The following DCC variants were observed in gnomAD, a reference collection of about 807,000 sequenced individuals.
The protein encoded by DCC is DCC netrin 1 receptor, also known as netrin receptor DCC.
Under a neutral mutation model 172.5 loss-of-function variants are expected in DCC, and 58 were observed. That is an observed-to-expected ratio of 0.34 (90% CI 0.27 to 0.42). The LOEUF (loss-of-function observed/expected upper bound fraction) is 0.42, where lower values mean the gene tolerates loss of function less well. DCC is among the 10% of genes least tolerant of loss of function. The pLI is 1.00. For synonymous variants in DCC, 709 were observed against 644.5 expected, an observed-to-expected ratio of 1.10 and a Z score of -1.52; for missense variants, 1,740 against 1,791.0, an observed-to-expected ratio of 0.97 and a Z score of 0.51.
intron 25 of DCC, among the ~76,000 whole-genome samples, chr18:53,483,649 T>C (rs1448882301): frequency 3.9e-5 from 6 of 151,942 alleles, no homozygotes; most frequent in Non-Finnish European, 8.8e-5. Flanking sequence ...TTTTTGATTA[T>C]ATATCTATCT....
intron 5 of DCC, among the ~76,000 whole-genome samples, chr18:53,057,180 A>G (rs115623401): frequency 0.016 from 2,493 of 151,422 alleles, 71 homozygotes; most frequent in African/African-American, 0.057. Flanking sequence ...CCATAATACT[A>G]TTTAAGCTGT....
At chr18:52,765,702 G>A (rs1313105157) in intron 2 of DCC, among the ~76,000 whole-genome samples, 2 of 152,092 alleles carry the variant, frequency 1.3e-5, no homozygotes, top group Admixed American at 6.5e-5. Context: ...TGTTACATTT[G>A]TCTTAGCTTC....
rs1178289949 is a variant in DCC, at chr18:53,531,896, A to T, written c.*1243A>T. The T allele has an allele frequency of 2.6e-5, 4 of 152,176 alleles. No individual in the cohort carries two copies. Among genetic ancestry groups the T allele is most frequent in the African/African-American group, 9.7e-5 (4 of 41,444 alleles). 9.4% of individuals were successfully genotyped at this position (152,176 alleles called of 1,614,324 possible). On this transcript the variant is annotated 3_prime_UTR_variant, in exon 29 of 29. Transcript: ENST00000442544. The stretch of plus-strand genomic sequence containing the variant: ...CACTTCCGACATGTAAATCCAGCAG[A>T]TACTTTTCAAAGCAGCATCTTAAAC...
chr18:52,537,126 A>G lies in DCC; in HGVS notation c.91+196248A>G, dbSNP rs12326229. 6.2e-4 allele frequency among the ~76,000 whole-genome samples: 94 copies of G among 152,338 alleles called. No individual in the cohort carries two copies. In the Middle Eastern group the frequency reaches 0.014, roughly 22 times the overall value. ...TTTTCTTCATCTGTTTGATGATGAA[A>G]GTTCTCTCTAGGTCCTTATCTTATC... On this transcript the variant is annotated intron_variant, in intron 1 of 28. Transcript: ENST00000442544.
intron 1 of DCC, among the ~76,000 whole-genome samples, chr18:52,673,955 G>C (rs2035602215): frequency 6.6e-6 from 1 of 152,176 alleles, no homozygotes; most frequent in Non-Finnish European, 1.5e-5. Context: ...TAGGCCAGCT[G>C]AGCATATCTC....
chr18:53,091,811 ATATCTATCTATCTATC>A (rs750251115), intron 7 of DCC, among the ~76,000 whole-genome samples: 4 of 141,190 alleles, frequency 2.8e-5, no homozygotes, highest in Non-Finnish European at 6.0e-5. Flanking sequence ...CACTGTACAT[ATATCTATCTATCTATC>A]TATCTATCTA....
intron 9 of DCC, among the ~76,000 whole-genome samples, chr18:53,189,990 G>A (rs917856179): frequency 2.0e-5 from 3 of 152,164 alleles, no homozygotes; most frequent in Non-Finnish European, 2.9e-5. Flanking sequence ...GCAATGGCAC[G>A]ATCCTGGCTT....
intron 7 of DCC, among the ~76,000 whole-genome samples, chr18:53,141,191 A>T (rs1337502636): frequency 1.3e-5 from 2 of 152,178 alleles, no homozygotes; most frequent in African/African-American, 4.8e-5. Flanking sequence ...ACAAATGATG[A>T]TGAAAGTCCC....
chr18:53,359,886 C>T (rs1433051562), intron 15 of DCC, among the ~76,000 whole-genome samples: 3 of 152,038 alleles, frequency 2.0e-5, no homozygotes, highest in Admixed American at 6.6e-5. Context: ...TATCCATCTT[C>T]GAGGCTTGTA....
chr18:53,363,021 C>T (rs1477047482), intron 15 of DCC, among the ~76,000 whole-genome samples: 3 of 152,080 alleles, frequency 2.0e-5, no homozygotes, highest in African/African-American at 7.2e-5. Context: ...TTCTGATTGA[C>T]GCCATCTTAC....
chr18:53,030,563 A>G (rs1280416500), intron 5 of DCC, among the ~76,000 whole-genome samples: 1 of 152,104 alleles, frequency 6.6e-6, no homozygotes, highest in Non-Finnish European at 1.5e-5. Flanking sequence ...ACCTATTGCT[A>G]TAGGTCTCTG....
At chr18:52,696,371 G>A (rs1292455632) in intron 1 of DCC, among the ~76,000 whole-genome samples, 3 of 152,230 alleles carry the variant, frequency 2.0e-5, no homozygotes, top group East Asian at 1.9e-4. Flanking sequence ...AGCTCAACAG[G>A]ACATCTGGAG....
chr18:52,739,879 T>C (rs2036792121), intron 1 of DCC, among the ~76,000 whole-genome samples: 1 of 152,188 alleles, frequency 6.6e-6, no homozygotes, highest in Non-Finnish European at 1.5e-5. Context: ...TGGGGCTCTT[T>C]CTTTTTTGAA....
chr18:52,862,986 A>G (rs1201602160), intron 2 of DCC, among the ~76,000 whole-genome samples: 1 of 152,162 alleles, frequency 6.6e-6, no homozygotes. Context: ...TGCTAAGGCT[A>G]ATTTTAATAA....
intron 5 of DCC, among the ~76,000 whole-genome samples, chr18:52,941,434 C>T (rs1203221558): frequency 6.6e-6 from 1 of 151,822 alleles, no homozygotes; most frequent in Non-Finnish European, 1.5e-5. Flanking sequence ...GAATTGATGA[C>T]TAATACCGTA....
chr18:52,564,822 C>T (rs1046692356), intron 1 of DCC, among the ~76,000 whole-genome samples: 6 of 151,976 alleles, frequency 3.9e-5, no homozygotes, highest in African/African-American at 7.2e-5. Flanking sequence ...AGGAGGAGCT[C>T]TTTGTAGTCT....
chr18:53,223,470 A>G (rs894064806), intron 12 of DCC, among the ~76,000 whole-genome samples: 4 of 152,104 alleles, frequency 2.6e-5, no homozygotes, highest in African/African-American at 7.2e-5. Context: ...TAGCCTTTCC[A>G]TGAAGTTTAA....
intron 5 of DCC, among the ~76,000 whole-genome samples, chr18:52,988,965 G>A (rs185808438): frequency 6.6e-6 from 1 of 151,308 alleles, no homozygotes; most frequent in East Asian, 1.9e-4. Context: ...TTACTACAAT[G>A]TTCTAACTTT....
At chr18:52,464,970 G>A (rs62081261) in intron 1 of DCC, among the ~76,000 whole-genome samples, 1 of 151,732 alleles carries the variant, frequency 6.6e-6, no homozygotes, top group African/African-American at 2.4e-5. Context: ...TTCAAAAGAG[G>A]CTCAGACCAA....
Sources: gnomAD v4.1 joint callset for allele counts (sites outside exome capture counted in the v4.1 genomes callset) on GRCh38, gnomAD v4.1.1 for gene constraint, MANE v1.5 for transcripts, NCBI Gene and HGNC (gene_info 2026-07-23, HGNC 2026-07-21) for gene names.